C12orf76: variants seen among roughly 807,000 people sequenced by gnomAD.
C12orf76 encodes the protein uncharacterized protein C12orf76.
A neutral mutation model predicts 6.8 loss-of-function variants in C12orf76; 6 were observed. The observed-to-expected ratio is 0.88, with a 90% CI of 0.48 to 1.73. The LOEUF (loss-of-function observed/expected upper bound fraction) is 1.73, where lower values mean the gene tolerates loss of function less well. C12orf76 is among the 40% of genes most tolerant of loss of function. The probability of loss-of-function intolerance (pLI) is 0.01; values close to 1 mark genes in which losing one functional copy is unlikely to be tolerated. For synonymous variants in C12orf76, 56 were observed against 43.7 expected (o/e 1.28, Z -1.11); for missense variants, 99 against 98.2 (o/e 1.01, Z -0.03).
chr12:110,050,013 G>A (rs1256020360), upstream of C12orf76: 3 of 152,176 alleles, frequency 2.0e-5, no homozygotes, highest in Admixed American at 6.5e-5. Context: ...CGGGGAGCTC[G>A]GATTTTAAGG....
At chr12:110,070,318 C>G (rs1348778350), upstream of C12orf76, among the ~76,000 whole-genome samples, 1 of 151,958 alleles carries the variant, frequency 6.6e-6, no homozygotes, top group South Asian at 2.1e-4. Flanking sequence ...AATCCCAGCA[C>G]TTTGGGAGGC....
At chr12:110,072,710 G>A (rs536296200) in intron 1 of C12orf76, among the ~76,000 whole-genome samples, 2 of 152,190 alleles carry the variant, frequency 1.3e-5, no homozygotes, top group Admixed American at 1.3e-4. Context: ...ATCACATGAG[G>A]TCAGGAGTTC....
rs1283871949 is a variant in C12orf76 at position 110,054,934 on chromosome 12, A to G, written n.664+2255T>C. ...GAGATCCTCCAGTCTCAGCCTCCCA[A>G]ATAGGTGGGACTGCAGGTGCAGCCA... On this transcript the variant is annotated intron_variant and non_coding_transcript_variant, in intron 4 of 4. Transcript: ENST00000309050. The surrounding 1 kb of genome is among the most constrained non-coding windows in gnomAD (Gnocchi z 4.4). Among the ~76,000 whole-genome samples the G allele has an allele frequency of 6.6e-6, 1 of 152,108 alleles. No individual in the cohort carries two copies. Among genetic ancestry groups the G allele is most frequent in the Non-Finnish European group, 1.5e-5 (1 of 68,022 alleles).
In C12orf76 at chr12:110,048,498, T is replaced by G; in HGVS notation, c.-3A>C. On this transcript the variant is annotated 5_prime_UTR_variant, in exon 1 of 2. Transcript: ENST00000615315. ...CACGGTAACGCTGGACGCAGCATCTTCCCCAGCCCTGCAGAAGCAGAGAGG... is the reference window on the plus strand; with the variant it reads ...CACGGTAACGCTGGACGCAGCATCTGCCCCAGCCCTGCAGAAGCAGAGAGG... 7.0e-7 allele frequency: 1 copy of G among 1,428,510 alleles called. No homozygotes were observed. Among genetic ancestry groups the G allele is most frequent in the Non-Finnish European group, 9.2e-7 (1 of 1,091,516 alleles). The allele number at this position is 1,428,510 out of a possible 1,614,324, so 88.5% of individuals were successfully genotyped here.
At chr12:110,048,769 G>T, upstream of C12orf76, 1 of 796,598 alleles carries the variant, frequency 1.3e-6, no homozygotes, top group Non-Finnish European at 1.6e-6. Context: ...TGTGGTTAGC[G>T]TTCCCTCATC....
Position 110,042,223 on chromosome 12 carries a change from A to G in C12orf76, c.*151T>C, listed in dbSNP as rs1892332660. The G allele has an allele frequency of 1.6e-6, 1 of 639,004 alleles. No homozygotes were observed. Among genetic ancestry groups the G allele is most frequent in the Non-Finnish European group, 2.8e-6 (1 of 352,318 alleles). The allele number at this position is 639,004 out of a possible 1,614,324, so 39.6% of individuals were successfully genotyped here. A position where few individuals can be genotyped will look rare whatever the true frequency, so the allele number is the denominator to read the frequency against. On this transcript the variant is annotated 3_prime_UTR_variant, in exon 2 of 2. Transcript: ENST00000615315. ...GTTAGGAAAAAATAATGTCTAGTACATGTTTTCTTCTAATTCATTTAGCAT... is the reference window on the plus strand; with the variant it reads ...GTTAGGAAAAAATAATGTCTAGTACGTGTTTTCTTCTAATTCATTTAGCAT...
chr12:110,045,310 C>T (rs1398600162), intron 1 of C12orf76, among the ~76,000 whole-genome samples: 2 of 152,130 alleles, frequency 1.3e-5, no homozygotes, highest in African/African-American at 4.8e-5. Context: ...TTAAAACTCT[C>T]GGCTGTGCGC....
At chr12:110,046,373 C>A (rs946953105) in intron 1 of C12orf76, among the ~76,000 whole-genome samples, 3 of 152,242 alleles carry the variant, frequency 2.0e-5, no homozygotes, top group African/African-American at 7.2e-5. Flanking sequence ...CTGCAGTGAG[C>A]TGAGACCGCA....
intron 1 of C12orf76, among the ~76,000 whole-genome samples, chr12:110,066,733 T>C (rs979647475): frequency 6.6e-6 from 1 of 151,326 alleles, no homozygotes; most frequent in Admixed American, 6.6e-5. Context: ...CACGCTTGAG[T>C]TGGATTTGCT....
intron 3 of C12orf76, among the ~76,000 whole-genome samples, chr12:110,058,778 G>A (rs1892720635): frequency 6.6e-6 from 1 of 152,214 alleles, no homozygotes; most frequent in Non-Finnish European, 1.5e-5. Flanking sequence ...TAATTTGCCA[G>A]TCAGTCTCTG....
upstream of C12orf76, among the ~76,000 whole-genome samples, chr12:110,068,253 G>GAAC (rs764385657): frequency 2.3e-5 from 1 of 43,154 alleles, no homozygotes; most frequent in Non-Finnish European, 4.9e-5. Flanking sequence ...GAAGAAAGAA[G>GAAC]AAGAAGAAGA....
upstream of C12orf76, among the ~76,000 whole-genome samples, chr12:110,071,684 T>A (rs1892961117): frequency 6.6e-6 from 1 of 152,020 alleles, no homozygotes; most frequent in Non-Finnish European, 1.5e-5. Context: ...ATCATCATCA[T>A]CAACATCATC....
intron 1 of C12orf76, among the ~76,000 whole-genome samples, chr12:110,045,684 C>T (rs1236340599): frequency 2.0e-5 from 3 of 152,270 alleles, no homozygotes; most frequent in South Asian, 2.1e-4. Flanking sequence ...AAAGGCCAGG[C>T]GCAGCGGCTC....
At chr12:110,067,521 T>A (rs1460282494) in exon 1 of C12orf76, 1 of 985,326 alleles carries the variant, frequency 1.0e-6, no homozygotes, top group African/African-American at 1.7e-5. Context: ...TTTTGTCTGG[T>A]AACAGGATCT....
upstream of C12orf76, among the ~76,000 whole-genome samples, chr12:110,069,293 A>G (rs1049718214): frequency 2.0e-5 from 3 of 152,118 alleles, no homozygotes; most frequent in Admixed American, 6.6e-5. Context: ...ACAAAAAATT[A>G]GCGGGACATG....
chr12:110,052,233 G>A (rs1892590931), upstream of C12orf76, among the ~76,000 whole-genome samples: 2 of 149,578 alleles, frequency 1.3e-5, no homozygotes, highest in Admixed American at 1.3e-4. Context: ...TCGCTCTGTT[G>A]CCCAGGCTGG....
intron 1 of C12orf76, among the ~76,000 whole-genome samples, chr12:110,046,993 GATA>G (rs1201919211): frequency 2.0e-5 from 3 of 152,160 alleles, no homozygotes; most frequent in Non-Finnish European, 4.4e-5. Flanking sequence ...GATCGAGTGG[GATA>G]ATGTGTGGAA....
At position 110,047,127 on chromosome 12, in the gene C12orf76, C is replaced by A. The variant is rs1892470724; in HGVS notation, c.133+1236G>T. Reference sequence around the variant, plus strand: ...GCCACTTTGTAGATATACAGATGTACCAAGGAGATACAGTGGGAAGGGAAG... The same window carrying A: ...GCCACTTTGTAGATATACAGATGTAACAAGGAGATACAGTGGGAAGGGAAG... On this transcript the variant is annotated intron_variant, in intron 1 of 1. Coordinates refer to ENST00000615315, the MANE Select transcript of C12orf76 (RefSeq NM_001389625.1). Among the ~76,000 whole-genome samples the A allele has an allele frequency of 1.3e-5, 2 of 152,002 alleles. 1 individual carries two copies. The highest frequency in any genetic ancestry group is 4.1e-4 in the South Asian group (2 of 4,826).
intron 2 of C12orf76, chr12:110,059,248 CTCTA>C (rs1306007161): frequency 7.1e-7 from 1 of 1,408,962 alleles, no homozygotes; most frequent in African/African-American, 1.4e-5. Flanking sequence ...GGTTAATTAG[CTCTA>C]TCTAATAGTT....
Sources: allele counts gnomAD v4.1 joint callset (sites outside exome capture counted in the v4.1 genomes callset), GRCh38; gene constraint gnomAD v4.1.1; non-coding constraint Gnocchi (gnomAD v3.1); transcripts MANE v1.5; gene names NCBI Gene and HGNC (gene_info 2026-07-23, HGNC 2026-07-21).